The following PES1 variants were observed in gnomAD, a reference collection of about 807,000 sequenced individuals.
The protein encoded by PES1 is pescadillo homolog.
PES1 carries 31 observed loss-of-function variants against 77.1 expected under a neutral mutation model. That is an observed-to-expected ratio of 0.40 (90% confidence interval 0.30 to 0.54). The LOEUF (loss-of-function observed/expected upper bound fraction) is 0.54. PES1 is among the 20% of genes least tolerant of loss of function. The pLI, the probability that PES1 is intolerant of heterozygous loss-of-function variation, is 0.45. For missense variants in PES1, 658 were observed against 771.7 expected (o/e 0.85, Z 1.75); for synonymous variants, 282 against 303.0 (o/e 0.93, Z 0.72).
At chr22:30,598,855 T>C (rs999695439) in intron 2 of PES1, among the ~76,000 whole-genome samples, 3 of 148,724 alleles carry the variant, frequency 2.0e-5, no homozygotes, top group African/African-American at 4.9e-5. Context: ...AGCCCAAATA[T>C]ATTTTTCAAG....
At chr22:30,580,288 G>T in intron 10 of PES1, 110 bp from the exon 11 acceptor site, 1 of 1,375,068 alleles carries the variant, frequency 7.3e-7, no homozygotes, top group African/African-American at 1.4e-5. Context: ...ACCCTCTTAG[G>T]ACACAATTAC....
chr22:30,589,929 T>C (rs2087152968), intron 1 of PES1, among the ~76,000 whole-genome samples: 1 of 152,222 alleles, frequency 6.6e-6, no homozygotes, highest in Admixed American at 6.5e-5. Flanking sequence ...GTTTATGTAA[T>C]GTAGTCCTTG....
chr22:30,584,614 T>C lies in PES1; in HGVS notation c.472A>G (p.Ile158Val). The C allele has an allele frequency of 1.2e-6, 2 of 1,613,764 alleles. No individual in the cohort carries two copies. Among genetic ancestry groups the C allele is most frequent in the Non-Finnish European group, 1.7e-6 (2 of 1,179,894 alleles). The change falls in exon 5 of 15, where the codon ATT (isoleucine) becomes GTT (valine). Residue 158 changes from isoleucine to valine, a missense_variant. Coordinates refer to ENST00000354694, the MANE Select transcript of PES1 (RefSeq NM_014303.4). ...ACAGTGAGCCGGCGGCACAGCTGAA[T>C]GGTCTGCACGTGGCACTTGCCAGTC... Reference protein sequence around the residue: ...PRTGKCHVQTIQLCRRLTVEF... With the variant: ...PRTGKCHVQTVQLCRRLTVEF...
chr22:30,606,861 G>C, exon 1 of PES1: 4 of 1,023,934 alleles, frequency 3.9e-6, no homozygotes, highest in African/African-American at 1.7e-5. Context: ...GGCTAGGTGG[G>C]CACTACCAGG....
chr22:30,576,908 G>A lies in PES1; in HGVS notation c.*138C>T, dbSNP rs925204488. Reference sequence around the variant, plus strand: ...AGGGCTGCCCACTGGCCCAGCCAGAGAGCATGAGGGGTCAGGGCTGGCTGG... The same window carrying A: ...AGGGCTGCCCACTGGCCCAGCCAGAAAGCATGAGGGGTCAGGGCTGGCTGG... On this transcript the variant is annotated 3_prime_UTR_variant, in exon 15 of 15. Coordinates refer to ENST00000354694, the MANE Select transcript of PES1 (RefSeq NM_014303.4). 3.0e-5 allele frequency: 22 copies of A among 743,608 alleles called. No individual in the cohort carries two copies. In the Admixed American group the frequency reaches 4.7e-4, roughly 16 times the overall value. The allele number at this position is 743,608 out of a possible 1,614,324, so 46.1% of individuals were successfully genotyped here.
intron 2 of PES1, chr22:30,603,758 T>G (rs1451044902): frequency 6.6e-6 from 1 of 152,204 alleles, no homozygotes; most frequent in South Asian, 2.1e-4. Context: ...GTTGTGTATT[T>G]GTTATATTCA....
At chr22:30,585,318 G>A (rs1246180519) in intron 4 of PES1, 1 of 471,532 alleles carries the variant, frequency 2.1e-6, no homozygotes, top group South Asian at 1.5e-5. Flanking sequence ...GGAATCCTCT[G>A]GTAAATGACG....
chr22:30,606,847 C>T, exon 1 of PES1: 2 of 1,016,034 alleles, frequency 2.0e-6, no homozygotes, highest in Non-Finnish European at 2.4e-6. Flanking sequence ...CACTCCTTGT[C>T]CTGGGCTAGG....
At chr22:30,606,771 G>T in intron 1 of PES1, 1 of 879,756 alleles carries the variant, frequency 1.1e-6, no homozygotes, top group Non-Finnish European at 1.4e-6. Flanking sequence ...TGAGGGAGGC[G>T]GTGCTGAAAA....
intron 2 of PES1, among the ~76,000 whole-genome samples, chr22:30,599,835 G>T (rs925490622): frequency 3.3e-5 from 5 of 152,164 alleles, no homozygotes; most frequent in African/African-American, 1.2e-4. Context: ...GGCAGGCAGA[G>T]GTTGCGGTGA....
upstream of PES1, chr22:30,592,446 T>C (rs4820019): frequency 0.17 from 162,795 of 974,242 alleles, 13,811 homozygotes; most frequent in Middle Eastern, 0.22. Flanking sequence ...GGTATAGAGA[T>C]CCTAGAGGCC....
upstream of PES1, among the ~76,000 whole-genome samples, chr22:30,596,824 C>T (rs529488780): frequency 6.6e-5 from 10 of 152,326 alleles, no homozygotes; most frequent in African/African-American, 2.4e-4. Context: ...TGGCTGAGGC[C>T]GGAGCCGGCT....
chr22:30,594,384 G>C (rs1227527119), upstream of PES1, among the ~76,000 whole-genome samples: 1 of 151,904 alleles, frequency 6.6e-6, no homozygotes, highest in Non-Finnish European at 1.5e-5. Context: ...TCTGGGCGTG[G>C]TGATGCACAC....
chr22:30,583,081 C>T (rs2087011268), intron 6 of PES1, among the ~76,000 whole-genome samples: 2 of 152,324 alleles, frequency 1.3e-5, no homozygotes, highest in African/African-American at 2.4e-5. Context: ...TATTCACCAC[C>T]AGGGAGGACA....
chr22:30,584,380 A>G lies in PES1; in HGVS notation c.615T>C (p.Tyr205=). ...LGQPIVWITP[Y]AFSHDHPTDV... ...GCACACTCACGTCATGGGAGAAGGC[A>G]TAGGGAGTGATCCACACGATGGGCT... The change falls in exon 6 of 15, where the codon TAT becomes TAC. Residue 205 remains tyrosine (Y), a synonymous_variant. Coordinates refer to ENST00000354694, the MANE Select transcript of PES1 (RefSeq NM_014303.4). The G allele has an allele frequency of 6.2e-7, 1 of 1,610,740 alleles. No individual in the cohort carries two copies. The highest frequency in any genetic ancestry group is 1.3e-5 in the African/African-American group (1 of 74,958).
chr22:30,580,199 CACACGGGT>C (rs1273503403), intron 10 of PES1, 21 bp from the exon 11 acceptor site: 1 of 1,596,398 alleles, frequency 6.3e-7, no homozygotes, highest in African/African-American at 1.3e-5. Flanking sequence ...AGGGAGAGCC[CACACGGGT>C]ACACAGACAT....
chr22:30,584,597 C>T lies in PES1; in HGVS notation c.489G>A (p.Arg163=), dbSNP rs928386883. 1 of 1,613,084 alleles carries T rather than the reference C, an allele frequency of 6.2e-7. No homozygotes were observed. The highest frequency in any genetic ancestry group is 1.3e-5 in the African/African-American group (1 of 74,912). ...CHVQTIQLCR[R]LTVEFMHYII... Reference sequence around the variant, plus strand: ...TGTAGTGCATGAACTCCACAGTGAGCCGGCGGCACAGCTGAATGGTCTGCA... The same window carrying T: ...TGTAGTGCATGAACTCCACAGTGAGTCGGCGGCACAGCTGAATGGTCTGCA... The change falls in exon 5 of 15, where the codon CGG becomes CGA. Residue 163 remains arginine (R), a synonymous_variant. Coordinates refer to ENST00000354694, the MANE Select transcript of PES1 (RefSeq NM_014303.4).
chr22:30,584,540 G>A lies in PES1; in HGVS notation c.540+6C>T, dbSNP rs777993718. On this transcript the variant is annotated splice_donor_region_variant and intron_variant, in intron 5 of 14. Coordinates refer to ENST00000354694, the MANE Select transcript of PES1 (RefSeq NM_014303.4). ...TGGGATGCCAGCCGGGCAGTCCCAG[G>A]CTCACCTTGCGCAGGGCACGGGCAG... The A allele has an allele frequency of 1.2e-6, 2 of 1,610,104 alleles. No individual in the cohort carries two copies. The highest frequency in any genetic ancestry group is 1.7e-6 in the Non-Finnish European group (2 of 1,178,138).
chr22:30,586,811 G>A (rs1350109594), intron 4 of PES1, among the ~76,000 whole-genome samples: 2 of 152,156 alleles, frequency 1.3e-5, no homozygotes, highest in Admixed American at 6.5e-5. Context: ...TTAGCCAGGC[G>A]TGGTGGTGGT....
Sources: gnomAD v4.1 joint callset for allele counts (sites outside exome capture counted in the v4.1 genomes callset) on GRCh38, gnomAD v4.1.1 for gene constraint, MANE v1.5 for transcripts, NCBI Gene and HGNC (gene_info 2026-07-23, HGNC 2026-07-21) for gene names.